Variants in NDUFAF2 observed in about 807,000 individuals in gnomAD.
NDUFAF2 encodes the protein NADH:ubiquinone oxidoreductase complex assembly factor 2.
Under a neutral mutation model 22.8 loss-of-function variants are expected in NDUFAF2, and 13 were observed. The observed-to-expected ratio is 0.57, with a 90% CI of 0.37 to 0.91. The LOEUF (loss-of-function observed/expected upper bound fraction) is 0.91. Ranked by LOEUF, NDUFAF2 falls within the 40% of genes least tolerant of loss-of-function variation. The pLI, the probability that NDUFAF2 is intolerant of heterozygous loss-of-function variation, is 0.01. For missense variants in NDUFAF2, 162 were observed against 195.2 expected (o/e 0.83, Z 1.01); for synonymous variants, 53 against 64.2 (o/e 0.83, Z 0.84).
At chr5:61,041,655 C>G (rs1751884363) in intron 1 of NDUFAF2, among the ~76,000 whole-genome samples, 1 of 152,132 alleles carries the variant, frequency 6.6e-6, no homozygotes, top group African/African-American at 2.4e-5. Flanking sequence ...TTTAGTTTAT[C>G]CAATCAGGTG....
Position 60,973,829 on chromosome 5 carries a change from A to G in NDUFAF2, c.127+28447A>G, listed in dbSNP as rs936397087. On this transcript the variant is annotated intron_variant, in intron 1 of 3. Coordinates refer to ENST00000296597, the MANE Select transcript of NDUFAF2 (RefSeq NM_174889.5). ...TCCCGGAGGTTATTTTATTGAGACA[A>G]GGTCTCACTCTGTCACCCTAGTTGG... Among the ~76,000 whole-genome samples, 5 of 152,118 alleles carry G rather than the reference A, an allele frequency of 3.3e-5. No homozygotes were observed. The South Asian group carries it at 6.2e-4, about 19-fold the overall frequency.
intron 3 of NDUFAF2, among the ~76,000 whole-genome samples, chr5:61,133,681 A>G (rs944668056): frequency 6.6e-6 from 1 of 152,236 alleles, no homozygotes; most frequent in African/African-American, 2.4e-5. Flanking sequence ...ATACAAAGTC[A>G]GATTATCAGT....
intron 3 of NDUFAF2, among the ~76,000 whole-genome samples, chr5:61,142,008 C>T (rs901776801): frequency 5.3e-5 from 8 of 152,280 alleles, no homozygotes; most frequent in South Asian, 2.1e-4. Flanking sequence ...CTTTCTCTCT[C>T]TCTGAGGCCA....
At chr5:60,950,636 G>C (rs974886398) in intron 1 of NDUFAF2, among the ~76,000 whole-genome samples, 1 of 147,094 alleles carries the variant, frequency 6.8e-6, no homozygotes, top group African/African-American at 2.5e-5. Context: ...ATGCTTGCTT[G>C]CTGGGTTTTT....
intron 1 of NDUFAF2, among the ~76,000 whole-genome samples, chr5:60,963,640 C>T (rs886118469): frequency 2.0e-5 from 3 of 152,198 alleles, no homozygotes; most frequent in African/African-American, 7.2e-5. Context: ...CAGTTCTAGG[C>T]ATTTGAGATA....
chr5:60,984,552 A>C (rs1046518381), intron 1 of NDUFAF2, among the ~76,000 whole-genome samples: 7 of 152,138 alleles, frequency 4.6e-5, no homozygotes, highest in South Asian at 2.1e-4. Context: ...GATAGCTCTT[A>C]TTATTTTGAG....
chr5:61,009,001 A>G (rs947602711), intron 1 of NDUFAF2, among the ~76,000 whole-genome samples: 17 of 151,898 alleles, frequency 1.1e-4, no homozygotes, highest in African/African-American at 3.9e-4. Flanking sequence ...GTCTTTGTAC[A>G]TTATCATTTC....
chr5:61,132,227 C>G (rs192690), intron 3 of NDUFAF2, among the ~76,000 whole-genome samples: 1 of 152,158 alleles, frequency 6.6e-6, no homozygotes, highest in Admixed American at 6.6e-5. Flanking sequence ...TGCCATCTCT[C>G]GAGGATTTAG....
chr5:61,030,553 T>C (rs1057312529), intron 1 of NDUFAF2, among the ~76,000 whole-genome samples: 1 of 152,148 alleles, frequency 6.6e-6, no homozygotes, highest in African/African-American at 2.4e-5. Flanking sequence ...TTAATTTAGG[T>C]CTTTTATATA....
intron 3 of NDUFAF2, among the ~76,000 whole-genome samples, chr5:61,151,222 A>G (rs1218602195): frequency 2.0e-5 from 3 of 152,186 alleles, no homozygotes; most frequent in Admixed American, 6.5e-5. Flanking sequence ...AATCAATATT[A>G]CTTGAAATTC....
intron 3 of NDUFAF2, among the ~76,000 whole-genome samples, chr5:61,111,072 C>G (rs114077670): frequency 0.043 from 6,613 of 152,114 alleles, 174 homozygotes; most frequent in South Asian, 0.08. Flanking sequence ...CTTCATTGAC[C>G]CACTGATCTT....
chr5:61,070,443 G>T (rs1360734770), intron 1 of NDUFAF2, among the ~76,000 whole-genome samples: 1 of 151,938 alleles, frequency 6.6e-6, no homozygotes, highest in East Asian at 1.9e-4. Context: ...TGATTACAAA[G>T]AATTTATTTA....
chr5:61,052,392 G>A (rs1196596478), intron 1 of NDUFAF2, among the ~76,000 whole-genome samples: 1 of 152,092 alleles, frequency 6.6e-6, no homozygotes, highest in East Asian at 1.9e-4. Flanking sequence ...CTTACTGCAA[G>A]CTCCGCCTCC....
intron 1 of NDUFAF2, among the ~76,000 whole-genome samples, chr5:60,953,230 A>G (rs1416446142): frequency 2.6e-5 from 4 of 152,276 alleles, no homozygotes; most frequent in Middle Eastern, 6.8e-3. Flanking sequence ...AGAGAAAAAG[A>G]TACATTACTT....
chr5:61,106,963 G>T (rs295555), intron 3 of NDUFAF2, among the ~76,000 whole-genome samples: 139,761 of 150,070 alleles, frequency 0.93, 65,256 homozygotes, highest in East Asian at 1. Context: ...TTCCAAGTCT[G>T]CACTATCCTG....
chr5:60,965,786 A>G (rs937623887), intron 1 of NDUFAF2, among the ~76,000 whole-genome samples: 1 of 152,156 alleles, frequency 6.6e-6, no homozygotes, highest in Admixed American at 6.5e-5. Context: ...CACTTAAGTT[A>G]ATTCCCTATC....
chr5:60,955,866 G>C (rs1031208088), intron 1 of NDUFAF2, among the ~76,000 whole-genome samples: 2 of 151,126 alleles, frequency 1.3e-5, no homozygotes, highest in African/African-American at 4.9e-5. Context: ...TTCCTTTTCA[G>C]ATAATTTGTT....
intron 1 of NDUFAF2, among the ~76,000 whole-genome samples, chr5:60,961,865 G>A (rs1015986044): frequency 1.3e-5 from 2 of 151,436 alleles, no homozygotes; most frequent in African/African-American, 4.9e-5. Flanking sequence ...GGAAGCTTTG[G>A]TAGCAGGATC....
At position 61,082,373 on chromosome 5, in the gene NDUFAF2, C is replaced by A. The variant is rs554736199; in HGVS notation, c.217+9159C>A. ...TCAGCCTCTTAAGAAGTTGGGACTA[C>A]AGACACACATCACCATGCCTATAAG... is the stretch of plus-strand genomic sequence containing the variant. On this transcript the variant is annotated intron_variant, in intron 2 of 3. Coordinates refer to ENST00000296597, the MANE Select transcript of NDUFAF2 (RefSeq NM_174889.5). Among the ~76,000 whole-genome samples the A allele has an allele frequency of 2.0e-5, 3 of 152,220 alleles. No homozygotes were observed. The South Asian group carries it at 6.2e-4, about 32-fold the overall frequency.
Sources: gnomAD v4.1 joint callset for allele counts (sites outside exome capture counted in the v4.1 genomes callset) on GRCh38, gnomAD v4.1.1 for gene constraint, MANE v1.5 for transcripts, NCBI Gene and HGNC (gene_info 2026-07-23, HGNC 2026-07-21) for gene names.